DSG4: variants seen among roughly 807,000 people sequenced by gnomAD.
DSG4 encodes the protein desmoglein-4.
A neutral mutation model predicts 93.1 loss-of-function variants in DSG4; 87 were observed. The ratio of observed to expected loss-of-function variants is 0.93; its 90% CI spans 0.79 to 1.12. The LOEUF is 1.12. Among genes scored for constraint, DSG4 ranks in the 50% most tolerant of loss-of-function variants. The pLI is 0.00. For missense variants in DSG4, 1,373 were observed against 1,285.7 expected (o/e 1.07, Z -1.04); for synonymous variants, 432 against 452.9 (o/e 0.95, Z 0.59).
intron 11 of DSG4, among the ~76,000 whole-genome samples, chr18:31,405,522 G>T (rs996979132): frequency 2.6e-5 from 4 of 151,470 alleles, no homozygotes; most frequent in African/African-American, 9.7e-5. Context: ...TATAGAAGTA[G>T]CAATCCAGCA....
chr18:31,383,941 T>TA (rs989216816), intron 1 of DSG4, among the ~76,000 whole-genome samples: 150 of 152,316 alleles, frequency 9.8e-4, no homozygotes, highest in African/African-American at 3.4e-3. Context: ...GTTGTCAACT[T>TA]ATACATCATT....
chr18:31,381,735 C>T (rs2072136932), intron 1 of DSG4, among the ~76,000 whole-genome samples: 1 of 152,076 alleles, frequency 6.6e-6, no homozygotes, highest in African/African-American at 2.4e-5. Context: ...TCTCAGCTCA[C>T]TGCAACGTCC....
Position 31,400,911 on chromosome 18 carries a change from G to C in DSG4, c.1308G>C (p.Trp436Cys). Residue 436 changes from tryptophan to cysteine, a missense_variant, in exon 10 of 16, where the codon TGG (tryptophan) becomes TGC (cysteine). Transcript: ENST00000308128. ...RYIIGHDAGSWLKIDSRTGEI... is the reference protein window; with the variant it reads ...RYIIGHDAGSCLKIDSRTGEI... ...TCATAGGGCATGATGCAGGCAGCTG[G>C]TTAAAAATTGATTCAAGAACTGGTG... 2 of 1,612,462 alleles carry C rather than the reference G, an allele frequency of 1.2e-6. No homozygotes were observed. Among genetic ancestry groups the C allele is most frequent in the Non-Finnish European group, 1.7e-6 (2 of 1,179,084 alleles).
At chr18:31,394,580 G>T (rs2072284945) in intron 8 of DSG4, among the ~76,000 whole-genome samples, 1 of 151,650 alleles carries the variant, frequency 6.6e-6, no homozygotes, top group Non-Finnish European at 1.5e-5. Context: ...TTAACAACAT[G>T]AGTTCAACTC....
At chr18:31,406,846 C>T (rs1282938216) in intron 12 of DSG4, among the ~76,000 whole-genome samples, 1 of 151,682 alleles carries the variant, frequency 6.6e-6, no homozygotes, top group East Asian at 1.9e-4. Flanking sequence ...GGCGCAACCT[C>T]GGCTCACTGC....
At position 31,413,662 on chromosome 18, in the gene DSG4, A is replaced by C; in HGVS notation, c.*67A>C. 1 of 1,552,768 alleles carries C rather than the reference A, an allele frequency of 6.4e-7. No homozygotes were observed. Among genetic ancestry groups the C allele is most frequent in the Non-Finnish European group, 8.8e-7 (1 of 1,135,954 alleles). On this transcript the variant is annotated 3_prime_UTR_variant, in exon 16 of 16. Transcript: ENST00000308128. Reference sequence around the variant, plus strand: ...GTAATCATCAATACATCCACCAAAAATATATAATGTACCATATATATTAAT... The same window carrying C: ...GTAATCATCAATACATCCACCAAAACTATATAATGTACCATATATATTAAT...
At chr18:31,411,796 CATTT>C (rs2072496982) in intron 15 of DSG4, among the ~76,000 whole-genome samples, 1 of 152,100 alleles carries the variant, frequency 6.6e-6, no homozygotes, top group African/African-American at 2.4e-5. Context: ...AAAAAAGGTG[CATTT>C]ATGACCTCTG....
At chr18:31,384,763 G>A (rs1476523268) in intron 1 of DSG4, among the ~76,000 whole-genome samples, 1 of 152,052 alleles carries the variant, frequency 6.6e-6, no homozygotes, top group Non-Finnish European at 1.5e-5. Context: ...TTCACCCTGG[G>A]TGAAATGCTC....
rs576048643 is a variant in DSG4, at chr18:31,401,902, C to A, written c.1417+882C>A. 5.9e-5 allele frequency among the ~76,000 whole-genome samples: 9 copies of A among 152,296 alleles called. No individual in the cohort carries two copies. In the East Asian group the frequency reaches 1.7e-3, roughly 29 times the overall value. ...AAAAAGAAACCATGATAAAACCAAA[C>A]CAACTATCATCTGTACATCCTGGGC... On this transcript the variant is annotated intron_variant, in intron 10 of 15. Coordinates refer to ENST00000308128, the MANE Select transcript of DSG4 (RefSeq NM_177986.5).
intron 1 of DSG4, among the ~76,000 whole-genome samples, chr18:31,377,182 C>A (rs1030480200): frequency 6.6e-6 from 1 of 152,016 alleles, no homozygotes. Context: ...AATTTATATG[C>A]CCTCAGAGAC....
At chr18:31,391,246 AG>A (rs1244599118) in intron 7 of DSG4, 34 bp downstream of exon 7, 2 of 1,612,316 alleles carry the variant, frequency 1.2e-6, no homozygotes, top group Non-Finnish European at 1.7e-6. Flanking sequence ...TTTTTCCATA[AG>A]TGTCAATAAT....
chr18:31,404,896 G>T (rs2072407676), intron 11 of DSG4, among the ~76,000 whole-genome samples: 1 of 152,010 alleles, frequency 6.6e-6, no homozygotes, highest in Non-Finnish European at 1.5e-5. Context: ...AAAATGTTCT[G>T]CATGGAGGTA....
rs190249759 is a variant in DSG4 at position 31,396,936 on chromosome 18, G to T, written c.1006-2336G>T. Among the ~76,000 whole-genome samples, 11 of 152,156 alleles carry T rather than the reference G, an allele frequency of 7.2e-5. No homozygotes were observed. In the East Asian group the frequency reaches 1.9e-3, roughly 27 times the overall value. On this transcript the variant is annotated intron_variant, in intron 8 of 15. Transcript: ENST00000308128. ...CTGCTTCTCTCTTCCAGACACATTT[G>T]TACCAGGAAATGAGCCTTCCTGGAA... is the stretch of plus-strand genomic sequence containing the variant.
At position 31,409,533 on chromosome 18, in the gene DSG4, A is replaced by G. The variant is rs753732719; in HGVS notation, c.2015A>G (p.Glu672Gly). ...GGAACAAGATTTGCTCCTGTGCCTG[A>G]GGGCGGAGAAGGAGTGATGCAGTCT... ...GLGTRFAPVPEGGEGVMQSWR... is the reference protein window; with the variant it reads ...GLGTRFAPVPGGGEGVMQSWR... Residue 672 changes from glutamate (E) to glycine (G), a missense_variant, in exon 13 of 16, where the codon GAG becomes GGG. By Grantham distance (98) the Glu-to-Gly change is moderately conservative. Transcript: ENST00000308128. 2.8e-5 allele frequency: 45 copies of G among 1,614,058 alleles called. No individual in the cohort carries two copies. Among genetic ancestry groups the G allele is most frequent in the Non-Finnish European group, 8.5e-6 (10 of 1,180,048 alleles).
intron 7 of DSG4, 134 bp from the exon 8 acceptor site, chr18:31,392,021 C>G: frequency 1.3e-6 from 1 of 760,094 alleles, no homozygotes; most frequent in Non-Finnish European, 2.2e-6. Flanking sequence ...CCTGATTGGA[C>G]TATGGGCATT....
intron 11 of DSG4, among the ~76,000 whole-genome samples, chr18:31,405,202 A>C (rs1335436139): frequency 6.6e-6 from 1 of 152,084 alleles, no homozygotes; most frequent in Non-Finnish European, 1.5e-5. Flanking sequence ...TCATCTCAAC[A>C]CTCCTTGTAT....
chr18:31,400,168 T>C (rs1049993864), intron 9 of DSG4, among the ~76,000 whole-genome samples: 12 of 152,230 alleles, frequency 7.9e-5, no homozygotes, highest in African/African-American at 2.9e-4. Context: ...TGCCCTTCTC[T>C]ATCTCCTTTT....
At chr18:31,412,785 G>T in intron 15 of DSG4, 43 bp from the exon 16 acceptor site, 1 of 1,607,606 alleles carries the variant, frequency 6.2e-7, no homozygotes, top group African/African-American at 1.3e-5. Flanking sequence ...CCTTATTTTA[G>T]GGAAAAAGAA....
In DSG4 at chr18:31,409,311, GA is replaced by G. The variant is rs1332380337; in HGVS notation, c.1934-134del. 1.0e-5 allele frequency: 13 copies of G among 1,291,048 alleles called. No individual in the cohort carries two copies. In the African/African-American group the frequency reaches 1.0e-4, roughly 10 times the overall value. The allele number at this position is 1,291,048 out of a possible 1,614,324, so 80.0% of individuals were successfully genotyped here. A position where few individuals can be genotyped will look rare whatever the true frequency, so the allele number is the denominator to read the frequency against. On this transcript the variant is annotated intron_variant, in intron 12 of 15. Transcript: ENST00000308128. ...GATATGTATACTCAATCCCCTAAAG[GA>G]AAAAAATGAGATTTTCTTACATATA...
Sources: allele counts gnomAD v4.1 joint callset (sites outside exome capture counted in the v4.1 genomes callset), GRCh38; gene constraint gnomAD v4.1.1; transcripts MANE v1.5; gene names NCBI Gene and HGNC (gene_info 2026-07-23, HGNC 2026-07-21).